PTPRD: variants seen among roughly 807,000 people sequenced by gnomAD.
PTPRD encodes the protein protein tyrosine phosphatase receptor type D, also known as receptor-type tyrosine-protein phosphatase delta.
Under a neutral mutation model 214.5 loss-of-function variants are expected in PTPRD, and 34 were observed. That is an observed-to-expected ratio of 0.16 (90% CI 0.12 to 0.21). PTPRD has a LOEUF of 0.21. Ranked by LOEUF, PTPRD falls within the 10% of genes least tolerant of loss-of-function variation. The pLI, the probability that PTPRD is intolerant of heterozygous loss-of-function variation, is 1.00. For missense variants in PTPRD, 2,545 were observed against 2,398.7 expected (o/e 1.06, Z -1.27); for synonymous variants, 1,128 against 845.7 (o/e 1.33, Z -5.79).
chr9:8,386,901 T>C lies in PTPRD; in HGVS notation c.4386+2331A>G, dbSNP rs921199940. ...CAGATGAAATAATATGAGGCTCCAG[T>C]GCTTTGTTAAATCTCTCCAGGACAT... On this transcript the variant is annotated intron_variant, in intron 37 of 45. Coordinates refer to ENST00000381196, the MANE Select transcript of PTPRD (RefSeq NM_002839.4). 2.0e-5 allele frequency among the ~76,000 whole-genome samples: 3 copies of C among 152,148 alleles called. No individual in the cohort carries two copies. In the East Asian group the frequency reaches 5.8e-4, roughly 29 times the overall value.
chr9:10,549,815 G>C (rs374552689), intron 2 of PTPRD, among the ~76,000 whole-genome samples: 1 of 151,318 alleles, frequency 6.6e-6, no homozygotes, highest in South Asian at 2.1e-4. Flanking sequence ...GTTTTAAAAA[G>C]ATTTTTTTTT....
chr9:8,985,565 C>G (rs1426069351), intron 11 of PTPRD, among the ~76,000 whole-genome samples: 1 of 151,514 alleles, frequency 6.6e-6, no homozygotes, highest in Non-Finnish European at 1.5e-5. Flanking sequence ...GAGCAATTTG[C>G]TCAAGATTAT....
At chr9:8,541,779 G>A (rs2078499889) in intron 14 of PTPRD, among the ~76,000 whole-genome samples, 1 of 152,118 alleles carries the variant, frequency 6.6e-6, no homozygotes, top group Non-Finnish European at 1.5e-5. Flanking sequence ...TTACAACTAT[G>A]ATTTATTTCT....
chr9:8,344,525 A>G (rs1855680645), intron 39 of PTPRD, among the ~76,000 whole-genome samples: 1 of 152,028 alleles, frequency 6.6e-6, no homozygotes, highest in African/African-American at 2.4e-5. Flanking sequence ...TGGGATGAAA[A>G]GAAATAACAG....
intron 2 of PTPRD, among the ~76,000 whole-genome samples, chr9:10,522,687 T>C (rs1215431230): frequency 1.3e-5 from 2 of 152,054 alleles, no homozygotes; most frequent in Admixed American, 6.6e-5. Context: ...TTTTACTTTA[T>C]TTTCAATATG....
At chr9:8,493,997 CAGACACACAG>C (rs1429925645) in intron 26 of PTPRD, among the ~76,000 whole-genome samples, 22 of 145,190 alleles carry the variant, frequency 1.5e-4, no homozygotes, top group African/African-American at 4.3e-4. Context: ...CAGACACACA[CAGACACACAG>C]ACACACACAC....
At chr9:9,247,045 T>C (rs890888659) in intron 9 of PTPRD, among the ~76,000 whole-genome samples, 1 of 151,902 alleles carries the variant, frequency 6.6e-6, no homozygotes, top group African/African-American at 2.4e-5. Flanking sequence ...AGATAAGTCA[T>C]AGAAACTAAA....
intron 9 of PTPRD, among the ~76,000 whole-genome samples, chr9:9,231,831 G>A (rs62529549): frequency 0.22 from 32,975 of 151,660 alleles, 3,637 homozygotes; most frequent in African/African-American, 0.26. Flanking sequence ...TGCTGCACCC[G>A]TCAACTCATC....
intron 3 of PTPRD, among the ~76,000 whole-genome samples, chr9:10,219,120 G>A (rs1021961513): frequency 1.3e-5 from 2 of 151,602 alleles, no homozygotes; most frequent in East Asian, 3.9e-4. Flanking sequence ...AAATTAGAAA[G>A]GACTGACGGG....
intron 2 of PTPRD, among the ~76,000 whole-genome samples, chr9:10,518,774 T>A (rs200424801): frequency 3.3e-5 from 5 of 152,134 alleles, no homozygotes; most frequent in East Asian, 3.9e-4. Flanking sequence ...CCTCGTGATC[T>A]GCCCGCCTTG....
intron 2 of PTPRD, among the ~76,000 whole-genome samples, chr9:10,345,726 C>T (rs1439131754): frequency 2.6e-5 from 4 of 152,154 alleles, no homozygotes; most frequent in African/African-American, 7.2e-5. Flanking sequence ...AAAACACATA[C>T]GTGTGCATAT....
At chr9:8,758,654 T>C (rs186183210) in intron 11 of PTPRD, among the ~76,000 whole-genome samples, 1 of 152,180 alleles carries the variant, frequency 6.6e-6, no homozygotes, top group Non-Finnish European at 1.5e-5. Context: ...ATTTCTGACT[T>C]AATTGTCAAT....
chr9:9,538,534 A>T (rs572004645), intron 8 of PTPRD, among the ~76,000 whole-genome samples: 5 of 151,984 alleles, frequency 3.3e-5, no homozygotes, highest in African/African-American at 1.2e-4. Context: ...CCTTTGATTG[A>T]TCAAAACTTG....
intron 44 of PTPRD, among the ~76,000 whole-genome samples, chr9:8,323,537 T>C (rs1830542677): frequency 6.6e-6 from 1 of 152,172 alleles, no homozygotes; most frequent in Non-Finnish European, 1.5e-5. Context: ...AAGAAGTTGA[T>C]TCCAATCTTC....
intron 3 of PTPRD, among the ~76,000 whole-genome samples, chr9:10,098,075 A>G (rs2098510814): frequency 6.6e-6 from 1 of 151,836 alleles, no homozygotes; most frequent in Non-Finnish European, 1.5e-5. Context: ...TCACAATAGC[A>G]AAGACTTGGA....
chr9:10,154,292 T>C (rs1465179090), intron 3 of PTPRD, among the ~76,000 whole-genome samples: 1 of 152,146 alleles, frequency 6.6e-6, no homozygotes, highest in Admixed American at 6.5e-5. Flanking sequence ...GCCTGTTATG[T>C]TCTTTGCCCA....
At chr9:8,787,164 C>G (rs2096016299) in intron 11 of PTPRD, among the ~76,000 whole-genome samples, 1 of 152,152 alleles carries the variant, frequency 6.6e-6, no homozygotes, top group Non-Finnish European at 1.5e-5. Context: ...CAGCCCAGAA[C>G]TTACACATTC....
chr9:9,389,464 C>T (rs930172531), intron 9 of PTPRD, among the ~76,000 whole-genome samples: 5 of 152,094 alleles, frequency 3.3e-5, no homozygotes, highest in Admixed American at 6.6e-5. Context: ...GAGCTGAGAT[C>T]GTGCCATTGC....
chr9:8,787,058 ACTCCTGGGCTCAAGCAATC>A (rs2096012048), intron 11 of PTPRD, among the ~76,000 whole-genome samples: 1 of 151,636 alleles, frequency 6.6e-6, no homozygotes, highest in Non-Finnish European at 1.5e-5. Flanking sequence ...CTGGTCTCGA[ACTCCTGGGCTCAAGCAATC>A]CTCCTGTCTC....
Sources: gnomAD v4.1 joint callset for allele counts (sites outside exome capture counted in the v4.1 genomes callset) on GRCh38, gnomAD v4.1.1 for gene constraint, MANE v1.5 for transcripts, NCBI Gene and HGNC (gene_info 2026-07-23, HGNC 2026-07-21) for gene names.